Variants in ADSS2 observed in about 807,000 individuals in gnomAD.
ADSS2 encodes adenylosuccinate synthase 2, also known as adenylosuccinate synthetase isozyme 2.
In ADSS2, 30 loss-of-function variants were observed where a neutral mutation model predicts 60.0. That is an observed-to-expected ratio of 0.50 (90% CI 0.37 to 0.68). ADSS2 has a LOEUF of 0.68. Ranked by LOEUF, ADSS2 falls within the 30% of genes least tolerant of loss-of-function variation. ADSS2 has a pLI of 0.00. For missense variants in ADSS2, 373 were observed against 554.8 expected (o/e 0.67, Z 3.29); for synonymous variants, 187 against 193.1 (o/e 0.97, Z 0.26).
At chr1:244,446,396 T>C (rs2148015817) in intron 1 of ADSS2, among the ~76,000 whole-genome samples, 1 of 152,338 alleles carries the variant, frequency 6.6e-6, no homozygotes, top group East Asian at 1.9e-4. Flanking sequence ...TATGTAGCAG[T>C]AACCAGACAC....
At chr1:244,414,052 C>T (rs1664475871) in intron 11 of ADSS2, among the ~76,000 whole-genome samples, 1 of 152,132 alleles carries the variant, frequency 6.6e-6, no homozygotes, top group African/African-American at 2.4e-5. Flanking sequence ...TAACTACACA[C>T]AAAGCATAAA....
chr1:244,425,737 T>C (rs2147998565), intron 4 of ADSS2, among the ~76,000 whole-genome samples: 1 of 152,314 alleles, frequency 6.6e-6, no homozygotes, highest in African/African-American at 2.4e-5. Context: ...AAAGTTTTGA[T>C]GCTGTACATA....
At chr1:244,427,226 A>C (rs1414327518) in intron 4 of ADSS2, among the ~76,000 whole-genome samples, 1 of 152,180 alleles carries the variant, frequency 6.6e-6, no homozygotes, top group Non-Finnish European at 1.5e-5. Context: ...ATAATTTTTA[A>C]GTTTCCTTAA....
chr1:244,423,357 T>C (rs894924526), intron 6 of ADSS2, among the ~76,000 whole-genome samples: 7 of 152,218 alleles, frequency 4.6e-5, no homozygotes, highest in African/African-American at 1.7e-4. Context: ...GTTGAGTGGT[T>C]GATCGAAAGG....
Position 244,451,870 on chromosome 1 carries a change from G to A in ADSS2, c.-53C>T. The stretch of plus-strand genomic sequence containing the variant: ...AGGAGAGGCGGCCGGCGAGGAGTGA[G>A]CGAACTGAACTGCTCTGCGGCCGCC... On this transcript the variant is annotated 5_prime_UTR_variant, in exon 1 of 13. Transcript: ENST00000366535. This position sits in a 1 kb window ranked among gnomAD's most constrained non-coding sequence, Gnocchi z 6.6. The A allele has an allele frequency of 6.7e-7, 1 of 1,488,086 alleles. No homozygotes were observed. Among genetic ancestry groups the A allele is most frequent in the Non-Finnish European group, 8.9e-7 (1 of 1,118,800 alleles). The allele number at this position is 1,488,086 out of a possible 1,614,324, so 92.2% of individuals were successfully genotyped here.
At chr1:244,416,103 T>TTAA (rs754413969) in intron 10 of ADSS2, 25 bp from the exon 11 acceptor site, 1 of 1,522,596 alleles carries the variant, frequency 6.6e-7, no homozygotes, top group South Asian at 1.1e-5. Context: ...AAAGGCAATG[T>TTAA]TAAAAGAGCA....
intron 1 of ADSS2, among the ~76,000 whole-genome samples, chr1:244,448,292 T>C (rs897814637): frequency 1.3e-5 from 2 of 152,226 alleles, no homozygotes; most frequent in African/African-American, 2.4e-5. Context: ...GATATGTCTT[T>C]TATGCTTCTT....
chr1:244,448,265 A>G (rs1382385984), intron 1 of ADSS2, among the ~76,000 whole-genome samples: 1 of 152,194 alleles, frequency 6.6e-6, no homozygotes, highest in Non-Finnish European at 1.5e-5. Context: ...TCAAGGAGAA[A>G]GTTTTAGTTT....
rs1010152156 is a variant in ADSS2 at position 244,450,422 on chromosome 1, G to A, written c.183+1213C>T. On this transcript the variant is annotated intron_variant, in intron 1 of 12. Coordinates refer to ENST00000366535, the MANE Select transcript of ADSS2 (RefSeq NM_001126.5). ...TTTCTAAATGAAAACAAAACAAAAC[G>A]AAACAAGGTAAATCAGAGAATATTT... 2.6e-5 allele frequency among the ~76,000 whole-genome samples: 4 copies of A among 152,138 alleles called. No individual in the cohort carries two copies. In the South Asian group the frequency reaches 6.2e-4, roughly 24 times the overall value.
At position 244,439,481 on chromosome 1, in the gene ADSS2, G is replaced by A. The variant is rs572602609; in HGVS notation, c.184-1713C>T. 9.9e-4 allele frequency among the ~76,000 whole-genome samples: 151 copies of A among 152,258 alleles called. 2 individuals carry two copies. The South Asian group carries it at 0.012, about 12-fold the overall frequency. On this transcript the variant is annotated intron_variant, in intron 1 of 12. Coordinates refer to ENST00000366535, the MANE Select transcript of ADSS2 (RefSeq NM_001126.5). Reference sequence around the variant, plus strand: ...ACTAGGGCCTGTGACGGGGAACTCAGGACTCCGCCCAGTGCCCTGCCCCTA... The same window carrying A: ...ACTAGGGCCTGTGACGGGGAACTCAAGACTCCGCCCAGTGCCCTGCCCCTA...
intron 1 of ADSS2, among the ~76,000 whole-genome samples, chr1:244,441,681 G>C (rs905951504): frequency 1.3e-5 from 2 of 152,022 alleles, no homozygotes; most frequent in Non-Finnish European, 2.9e-5. Context: ...TTTAGGCTGG[G>C]CACGGTGGCT....
chr1:244,416,348 C>T (rs984946362), intron 10 of ADSS2, among the ~76,000 whole-genome samples: 1 of 152,188 alleles, frequency 6.6e-6, no homozygotes, highest in Non-Finnish European at 1.5e-5. Flanking sequence ...GACAGGGTCT[C>T]GCTTTGTCAC....
chr1:244,449,401 A>G (rs1337953462), intron 1 of ADSS2, among the ~76,000 whole-genome samples: 2 of 152,184 alleles, frequency 1.3e-5, no homozygotes, highest in East Asian at 3.8e-4. Context: ...CAAAGGACAT[A>G]TTTTCACTAA....
chr1:244,451,520 T>C lies in ADSS2; in HGVS notation c.183+115A>G. ...AGGACAGGAGGAGAGAGCCTCAAGG[T>C]GACACCTCATTTTGGCCAGTGGATC... On this transcript the variant is annotated intron_variant, in intron 1 of 12. Coordinates refer to ENST00000366535, the MANE Select transcript of ADSS2 (RefSeq NM_001126.5). The surrounding 1 kb of genome is among the most constrained non-coding windows in gnomAD (Gnocchi z 6.6). The C allele has an allele frequency of 8.6e-7, 1 of 1,160,832 alleles. No individual in the cohort carries two copies. Among genetic ancestry groups the C allele is most frequent in the Non-Finnish European group, 1.2e-6 (1 of 839,532 alleles). 71.9% of individuals were successfully genotyped at this position (1,160,832 alleles called of 1,614,324 possible).
chr1:244,442,816 AG>A (rs1665280380), intron 1 of ADSS2, among the ~76,000 whole-genome samples: 1 of 152,250 alleles, frequency 6.6e-6, no homozygotes, highest in Non-Finnish European at 1.5e-5. Context: ...TAAAATATTC[AG>A]ATTATGTAAA....
chr1:244,417,566 T>A, intron 10 of ADSS2, 62 bp downstream of exon 10: 2 of 1,577,916 alleles, frequency 1.3e-6, no homozygotes, highest in Non-Finnish European at 1.7e-6. Flanking sequence ...TCCACAAAAT[T>A]AAACCTATGG....
Position 244,432,586 on chromosome 1 carries a change from C to T in ADSS2, c.365G>A (p.Gly122Asp), listed in dbSNP as rs758766816. 1.3e-6 allele frequency: 2 copies of T among 1,573,548 alleles called. No individual in the cohort carries two copies. The highest frequency in any genetic ancestry group is 2.3e-5 in the East Asian group (1 of 43,620). Residue 122 changes from glycine (G) to aspartate (D), a missense_variant, in exon 4 of 13, where the codon GGC (glycine) becomes GAC (aspartate). Physicochemically the swap from Gly to Asp is moderately conservative, Grantham distance 94. This residue lies in a region of ADSS2 where 139 missense variants were observed against 189.4 expected (regional missense o/e 0.73). Transcript: ENST00000366535. Reference sequence around the variant, plus strand: ...AGATATAATAAGCCTTTTTTCCCAGCCTTCTAGTCCTAGAAAGGGGAAAAA... The same window carrying T: ...AGATATAATAAGCCTTTTTTCCCAGTCTTCTAGTCCTAGAAAGGGGAAAAA... ...KNVQKGKGLEGWEKRLIISDR... is the reference protein window; with the variant it reads ...KNVQKGKGLEDWEKRLIISDR...
intron 11 of ADSS2, 37 bp from the exon 12 acceptor site, chr1:244,411,473 C>T: frequency 1.3e-6 from 2 of 1,574,528 alleles, no homozygotes; most frequent in Non-Finnish European, 1.7e-6. Flanking sequence ...ATGGCACACA[C>T]TGTTTACTGT....
At chr1:244,431,754 T>G (rs1347215943) in intron 4 of ADSS2, among the ~76,000 whole-genome samples, 1 of 152,230 alleles carries the variant, frequency 6.6e-6, no homozygotes, top group Admixed American at 6.5e-5. Context: ...AGAGTTTACT[T>G]CAAATAAGTT....
Sources: allele counts gnomAD v4.1 joint callset (sites outside exome capture counted in the v4.1 genomes callset), GRCh38; gene constraint gnomAD v4.1.1; regional missense constraint gnomAD v4.1.1; non-coding constraint Gnocchi (gnomAD v3.1); transcripts MANE v1.5; gene names NCBI Gene and HGNC (gene_info 2026-07-23, HGNC 2026-07-21).